The following KCNJ3 variants were observed in gnomAD, a reference collection of about 807,000 sequenced individuals.
KCNJ3 encodes the protein G protein-activated inward rectifier potassium channel 1.
Under a neutral mutation model 39.2 loss-of-function variants are expected in KCNJ3, and 4 were observed. The ratio of observed to expected loss-of-function variants is 0.10; its 90% CI spans 0.05 to 0.23. The LOEUF (loss-of-function observed/expected upper bound fraction) is 0.23, where lower values mean the gene tolerates loss of function less well. Among genes scored for constraint, KCNJ3 ranks in the 10% least tolerant of loss-of-function variants. The pLI is 1.00. For synonymous variants in KCNJ3, 230 were observed against 237.4 expected (o/e 0.97, Z 0.29); for missense variants, 276 against 634.9 (o/e 0.43, Z 6.08).
intron 2 of KCNJ3, among the ~76,000 whole-genome samples, chr2:154,731,987 G>C (rs1415037341): frequency 6.6e-6 from 1 of 151,828 alleles, no homozygotes; most frequent in Admixed American, 6.6e-5. Context: ...TACACCTTTT[G>C]TTTACTCACA....
chr2:154,839,458 G>A lies in KCNJ3; in HGVS notation c.920-15269G>A, dbSNP rs531941625. 1.6e-4 allele frequency among the ~76,000 whole-genome samples: 24 copies of A among 152,292 alleles called. No individual in the cohort carries two copies. In the East Asian group the frequency reaches 3.7e-3, roughly 23 times the overall value. ...CCTTTGGGTATATACCCAGTAATGG[G>A]ATTGCTGGGTCAAATGGTAATTCTA... On this transcript the variant is annotated intron_variant, in intron 2 of 2. Transcript: ENST00000295101.
Position 154,854,979 on chromosome 2 carries a change from G to A in KCNJ3, c.1172G>A (p.Gly391Glu). The A allele has an allele frequency of 1.2e-6, 2 of 1,613,920 alleles. No homozygotes were observed. Among genetic ancestry groups the A allele is most frequent in the African/African-American group, 1.3e-5 (1 of 74,984 alleles). The change falls in exon 3 of 3, where the codon GGA (glycine) becomes GAA (glutamate). Residue 391 changes from glycine (G) to glutamate (E), a missense_variant. Gly to Glu is a moderately conservative substitution (Grantham distance 98). Transcript: ENST00000295101. ...ERHNSVECLD[G>E]LDDITTKLPS... ...CATAATTCTGTGGAATGCTTAGATG[G>A]ACTAGATGATATTACTACAAAACTA... is the stretch of plus-strand genomic sequence containing the variant.
At chr2:154,801,490 CTTTTCTTTTCTT>C (rs1184297044) in intron 2 of KCNJ3, among the ~76,000 whole-genome samples, 3 of 151,608 alleles carry the variant, frequency 2.0e-5, no homozygotes, top group Admixed American at 6.6e-5. Flanking sequence ...CCTTTCTTTT[CTTTTCTTTTCTT>C]TTTTCTTTTC....
chr2:154,752,201 T>A (rs1476304864), intron 2 of KCNJ3, among the ~76,000 whole-genome samples: 1 of 152,034 alleles, frequency 6.6e-6, no homozygotes, highest in African/African-American at 2.4e-5. Flanking sequence ...TTTGGTGTAC[T>A]CAAACTGAGA....
rs1396702440 is a variant in KCNJ3, at chr2:154,856,485, T to A, written c.*1172T>A. ...TGTATGTCTAATTGAGTCTCTTTTT[T>A]ATTCTGTTTTCTTGTTTATGGCATT... On this transcript the variant is annotated 3_prime_UTR_variant, in exon 3 of 3. Transcript: ENST00000295101. The A allele has an allele frequency of 6.6e-6, 1 of 152,324 alleles. No homozygotes were observed. The highest frequency in any genetic ancestry group is 1.5e-5 in the Non-Finnish European group (1 of 68,006). 9.4% of individuals were successfully genotyped at this position (152,324 alleles called of 1,614,324 possible). A position where few individuals can be genotyped will look rare whatever the true frequency, so the allele number is the denominator to read the frequency against.
At chr2:154,715,727 A>G (rs563405665) in intron 2 of KCNJ3, among the ~76,000 whole-genome samples, 1 of 152,324 alleles carries the variant, frequency 6.6e-6, no homozygotes, top group Admixed American at 6.5e-5. Flanking sequence ...GCTTTATTGT[A>G]TAATCTATTG....
At chr2:154,799,507 G>A (rs1686775387) in intron 2 of KCNJ3, among the ~76,000 whole-genome samples, 1 of 152,150 alleles carries the variant, frequency 6.6e-6, no homozygotes, top group Non-Finnish European at 1.5e-5. Context: ...GGAGGATGGA[G>A]AAGTCAATGG....
At chr2:154,703,637 C>T (rs1684949571) in intron 1 of KCNJ3, among the ~76,000 whole-genome samples, 1 of 151,954 alleles carries the variant, frequency 6.6e-6, no homozygotes, top group Non-Finnish European at 1.5e-5. Context: ...TAACATTTTG[C>T]TAATCTAACC....
intron 2 of KCNJ3, among the ~76,000 whole-genome samples, chr2:154,797,516 T>A (rs553045497): frequency 6.6e-5 from 10 of 152,222 alleles, no homozygotes; most frequent in Non-Finnish European, 1.2e-4. Flanking sequence ...TGGTTATGCA[T>A]AGAAGCAAAC....
At chr2:154,784,969 A>G (rs1412622446) in intron 2 of KCNJ3, among the ~76,000 whole-genome samples, 1 of 152,232 alleles carries the variant, frequency 6.6e-6, no homozygotes, top group East Asian at 1.9e-4. Context: ...TATGTGCTCA[A>G]TAAAAGTGAG....
At chr2:154,830,910 T>C (rs1295918863) in intron 2 of KCNJ3, among the ~76,000 whole-genome samples, 1 of 152,196 alleles carries the variant, frequency 6.6e-6, no homozygotes, top group African/African-American at 2.4e-5. Context: ...CAAGTAAAAT[T>C]TCAGAGTATG....
chr2:154,768,257 T>C (rs989914101), intron 2 of KCNJ3, among the ~76,000 whole-genome samples: 1 of 152,234 alleles, frequency 6.6e-6, no homozygotes, highest in Non-Finnish European at 1.5e-5. Context: ...ATGAAGTCTT[T>C]GCCCATGCCT....
At chr2:154,795,564 C>T (rs1437255567) in intron 2 of KCNJ3, among the ~76,000 whole-genome samples, 1 of 151,836 alleles carries the variant, frequency 6.6e-6, no homozygotes, top group Non-Finnish European at 1.5e-5. Flanking sequence ...ACATTGTTTC[C>T]ACATTTAATG....
chr2:154,833,437 T>C (rs1574479370), intron 2 of KCNJ3, among the ~76,000 whole-genome samples: 1 of 152,220 alleles, frequency 6.6e-6, no homozygotes, highest in East Asian at 1.9e-4. Context: ...ACAGGGAGTT[T>C]CCATGCATGT....
chr2:154,711,542 G>T (rs1383065444), intron 2 of KCNJ3, among the ~76,000 whole-genome samples: 2 of 152,000 alleles, frequency 1.3e-5, no homozygotes, highest in African/African-American at 4.8e-5. Context: ...GAATATATTT[G>T]TTAGGAGTGA....
chr2:154,732,301 G>T (rs146968471), intron 2 of KCNJ3, among the ~76,000 whole-genome samples: 29 of 152,026 alleles, frequency 1.9e-4, no homozygotes, highest in Admixed American at 1.5e-3. Flanking sequence ...ATTTGTCACT[G>T]TTTCCTAATT....
chr2:154,755,477 C>T (rs1685921448), intron 2 of KCNJ3, among the ~76,000 whole-genome samples: 2 of 150,866 alleles, frequency 1.3e-5, no homozygotes, highest in African/African-American at 4.9e-5. Context: ...ATTATTCTGC[C>T]TAAGGAATGC....
intron 1 of KCNJ3, among the ~76,000 whole-genome samples, chr2:154,704,052 T>C (rs1176662649): frequency 6.6e-6 from 1 of 152,126 alleles, no homozygotes; most frequent in Non-Finnish European, 1.5e-5. Flanking sequence ...CTAGTTTTTC[T>C]TTCTCTGACA....
intron 2 of KCNJ3, among the ~76,000 whole-genome samples, chr2:154,843,309 G>T (rs1364919171): frequency 3.3e-5 from 5 of 152,152 alleles, no homozygotes; most frequent in South Asian, 4.1e-4. Flanking sequence ...GAGATCCGTT[G>T]TTAGTATGCT....
Sources: allele counts gnomAD v4.1 joint callset (sites outside exome capture counted in the v4.1 genomes callset), GRCh38; gene constraint gnomAD v4.1.1; transcripts MANE v1.5; gene names NCBI Gene and HGNC (gene_info 2026-07-23, HGNC 2026-07-21).